Variants in TPRG1 observed in about 807,000 individuals in gnomAD.
The protein encoded by TPRG1 is tumor protein p63 regulated 1, also known as tumor protein p63-regulated gene 1 protein.
A neutral mutation model predicts 29.3 loss-of-function variants in TPRG1; 29 were observed. The ratio of observed to expected loss-of-function variants is 0.99; its 90% CI spans 0.74 to 1.35. The LOEUF (loss-of-function observed/expected upper bound fraction) is 1.35. Ranked by LOEUF, TPRG1 falls within the 40% of genes most tolerant of loss-of-function variation. The pLI, the probability that TPRG1 is intolerant of heterozygous loss-of-function variation, is 0.00. For missense variants in TPRG1, 327 were observed against 335.0 expected, an observed-to-expected ratio of 0.98 and a Z score of 0.19; for synonymous variants, 130 against 116.8, an observed-to-expected ratio of 1.11 and a Z score of -0.73.
chr3:189,276,239 G>A (rs1475805906), intron 4 of TPRG1, among the ~76,000 whole-genome samples: 1 of 152,088 alleles, frequency 6.6e-6, no homozygotes, highest in African/African-American at 2.4e-5. Context: ...ATGAAGAGGT[G>A]GTGGCCCCCA....
At chr3:189,184,159 C>T (rs1467469336) in intron 1 of TPRG1, among the ~76,000 whole-genome samples, 1 of 152,154 alleles carries the variant, frequency 6.6e-6, no homozygotes, top group Non-Finnish European at 1.5e-5. Context: ...GAACTTAGAG[C>T]TCTATCAGTT....
At chr3:189,075,054 A>G (rs9682946) in intron 4 of TPRG1, among the ~76,000 whole-genome samples, 40,350 of 152,002 alleles carry the variant, frequency 0.27, 11,874 homozygotes, top group African/African-American at 0.74. Flanking sequence ...CTCGTGATCC[A>G]CCTACCTCGG....
chr3:189,215,961 C>A (rs1403180058), intron 3 of TPRG1, among the ~76,000 whole-genome samples: 7 of 152,236 alleles, frequency 4.6e-5, no homozygotes, highest in African/African-American at 1.7e-4. Context: ...ATTATCTTAT[C>A]CATAAGAGCT....
intron 4 of TPRG1, among the ~76,000 whole-genome samples, chr3:189,040,632 C>T (rs1238956312): frequency 6.6e-6 from 1 of 152,174 alleles, no homozygotes; most frequent in Admixed American, 6.5e-5. Flanking sequence ...ACTGGTGCTA[C>T]TTCTGCTCAT....
At chr3:189,298,907 T>G (rs927613808) in intron 4 of TPRG1, among the ~76,000 whole-genome samples, 1 of 152,142 alleles carries the variant, frequency 6.6e-6, no homozygotes, top group African/African-American at 2.4e-5. Context: ...CCCACCACCC[T>G]CTCGGGCAGA....
rs552224390 is a variant in TPRG1, at chr3:189,047,239, C to G, written c.-463+23293C>G. On this transcript the variant is annotated intron_variant, in intron 4 of 10. Transcript: ENST00000433971. ...TTTGCTTCCACTCTACTGTCTAAAG[C>G]AATATCACAATAAAGTGAATCACAT... is the stretch of plus-strand genomic sequence containing the variant. Among the ~76,000 whole-genome samples the G allele has an allele frequency of 2.6e-5, 4 of 152,176 alleles. No individual in the cohort carries two copies. The East Asian group carries it at 7.7e-4, about 29-fold the overall frequency.
chr3:189,089,934 T>C (rs186642761), intron 4 of TPRG1, among the ~76,000 whole-genome samples: 201 of 152,220 alleles, frequency 1.3e-3, no homozygotes, highest in Non-Finnish European at 1.9e-3. Context: ...AGTTTATCTA[T>C]ATAATTAGTC....
chr3:189,315,160 T>C (rs569070288), intron 5 of TPRG1, among the ~76,000 whole-genome samples: 3 of 151,840 alleles, frequency 2.0e-5, no homozygotes, highest in Non-Finnish European at 4.4e-5. Flanking sequence ...TTTTGTCTCT[T>C]TAAAAAAAAA....
intron 4 of TPRG1, among the ~76,000 whole-genome samples, chr3:189,282,981 G>T (rs1030007063): frequency 2.6e-5 from 4 of 152,182 alleles, no homozygotes; most frequent in African/African-American, 9.7e-5. Flanking sequence ...GCTGGGGCTG[G>T]TTTAGATGAA....
At chr3:189,160,596 C>CCTCCCCAACCCAA (rs1435697537) in intron 5 of TPRG1, among the ~76,000 whole-genome samples, 2 of 152,174 alleles carry the variant, frequency 1.3e-5, no homozygotes, top group Non-Finnish European at 2.9e-5. Flanking sequence ...TCTCTCTCAT[C>CCTCCCCAACCCAA]CTCCCCAACC....
intron 3 of TPRG1, among the ~76,000 whole-genome samples, chr3:189,019,009 C>T (rs996735535): frequency 6.6e-6 from 1 of 152,162 alleles, no homozygotes; most frequent in African/African-American, 2.4e-5. Flanking sequence ...AATGGGAGTT[C>T]ACTCATAATT....
At chr3:189,315,173 A>C (rs559919746) in intron 5 of TPRG1, among the ~76,000 whole-genome samples, 5 of 152,084 alleles carry the variant, frequency 3.3e-5, no homozygotes, top group African/African-American at 7.2e-5. Flanking sequence ...AAAAAAAATG[A>C]GGACAGTTAT....
At chr3:189,194,255 G>T (rs1732179854) in intron 1 of TPRG1, among the ~76,000 whole-genome samples, 1 of 152,128 alleles carries the variant, frequency 6.6e-6, no homozygotes, top group Admixed American at 6.5e-5. Context: ...AGCATAGGTT[G>T]TTAATGTTCT....
chr3:189,099,681 T>C (rs1297675465), upstream of TPRG1, among the ~76,000 whole-genome samples: 1 of 152,078 alleles, frequency 6.6e-6, no homozygotes, highest in Non-Finnish European at 1.5e-5. Flanking sequence ...GCCCCGCCGG[T>C]AGCTCAATTG....
intron 4 of TPRG1, among the ~76,000 whole-genome samples, chr3:189,274,564 G>T (rs1327902652): frequency 1.3e-5 from 2 of 152,088 alleles, no homozygotes; most frequent in Non-Finnish European, 2.9e-5. Flanking sequence ...GTAATCGAGG[G>T]TAGGGCCCAG....
chr3:189,210,432 A>G (rs1025972884), intron 2 of TPRG1, among the ~76,000 whole-genome samples: 1 of 152,056 alleles, frequency 6.6e-6, no homozygotes, highest in Non-Finnish European at 1.5e-5. Flanking sequence ...GGTCTGTAGC[A>G]GTAAAAAGGA....
intron 4 of TPRG1, among the ~76,000 whole-genome samples, chr3:189,039,013 G>T (rs1240749909): frequency 6.6e-6 from 1 of 152,198 alleles, no homozygotes; most frequent in African/African-American, 2.4e-5. Flanking sequence ...ATGCACTGCT[G>T]GTGGGAGTGG....
intron 4 of TPRG1, among the ~76,000 whole-genome samples, chr3:189,259,400 T>G (rs1358375744): frequency 1.3e-5 from 2 of 151,446 alleles, no homozygotes; most frequent in African/African-American, 4.9e-5. Context: ...CCCTTCTGTG[T>G]TGATCTTGCT....
chr3:189,076,889 G>T (rs6766430), intron 4 of TPRG1, among the ~76,000 whole-genome samples: 14,295 of 151,076 alleles, frequency 0.095, 899 homozygotes, highest in African/African-American at 0.18. Flanking sequence ...ATGCAGAAAA[G>T]TGGGCAAACA....
Sources: gnomAD v4.1 joint callset for allele counts (sites outside exome capture counted in the v4.1 genomes callset) on GRCh38, gnomAD v4.1.1 for gene constraint, MANE v1.5 for transcripts, NCBI Gene and HGNC (gene_info 2026-07-23, HGNC 2026-07-21) for gene names.